Variants in GPHN observed in about 807,000 individuals in gnomAD.
GPHN encodes the protein gephyrin.
GPHN carries 17 observed loss-of-function variants against 95.5 expected under a neutral mutation model. The ratio of observed to expected loss-of-function variants is 0.18; its 90% confidence interval spans 0.12 to 0.27. The LOEUF is 0.27. GPHN is among the 10% of genes least tolerant of loss of function. The probability of loss-of-function intolerance (pLI) is 1.00; values close to 1 mark genes in which losing one functional copy is unlikely to be tolerated. For synonymous variants in GPHN, 320 were observed against 322.5 expected, an observed-to-expected ratio of 0.99 and a Z score of 0.08; for missense variants, 660 against 978.1, an observed-to-expected ratio of 0.67 and a Z score of 4.34.
chr14:67,515,621 T>A, the GPHN span: 3 of 152,192 alleles, frequency 2.0e-5, no homozygotes, highest in African/African-American at 7.3e-5. Flanking sequence ...GCACGCCCCC[T>A]GCCAGGGCCG....
At chr14:66,694,649 C>G (rs2068001217) in intron 2 of GPHN, among the ~76,000 whole-genome samples, 1 of 152,076 alleles carries the variant, frequency 6.6e-6, no homozygotes, top group South Asian at 2.1e-4. Context: ...CCTAGGTAAC[C>G]TTGGGTATGG....
At chr14:67,466,370 G>A in the GPHN span, among the ~76,000 whole-genome samples, 2 of 152,372 alleles carry the variant, frequency 1.3e-5, no homozygotes, top group Admixed American at 1.3e-4. Flanking sequence ...TTTGGCCAAG[G>A]CCGGAAGACT....
the GPHN span, chr14:67,270,328 G>T: frequency 2.0e-5 from 3 of 152,160 alleles, no homozygotes; most frequent in Non-Finnish European, 4.4e-5. Context: ...CTTGCTTTGT[G>T]GACTATGTAA....
At chr14:66,723,307 T>C (rs1315180902) in intron 2 of GPHN, among the ~76,000 whole-genome samples, 4 of 151,376 alleles carry the variant, frequency 2.6e-5, no homozygotes. Flanking sequence ...TAAACTTTTA[T>C]AAATTATATT....
chr14:67,578,682 C>A, the GPHN span: 1 of 1,163,490 alleles, frequency 8.6e-7, no homozygotes, highest in South Asian at 1.3e-5. This position sits in a 1 kb window ranked among gnomAD's most constrained non-coding sequence, Gnocchi z 5.0. Context: ...CCAACTGCCG[C>A]ATGAATAAGA....
intron 3 of GPHN, among the ~76,000 whole-genome samples, chr14:66,777,159 G>A (rs2059416139): frequency 2.7e-5 from 4 of 150,864 alleles, no homozygotes. Flanking sequence ...CGATCCCGCA[G>A]AAATACAAAC....
At chr14:67,266,860 A>G in the GPHN span, among the ~76,000 whole-genome samples, 2 of 152,080 alleles carry the variant, frequency 1.3e-5, no homozygotes, top group African/African-American at 4.8e-5. Context: ...CTGTAATCCC[A>G]GCATGTTGGG....
At chr14:67,726,573 A>G in the GPHN span, among the ~76,000 whole-genome samples, 1 of 152,290 alleles carries the variant, frequency 6.6e-6, no homozygotes, top group East Asian at 1.9e-4. Flanking sequence ...GGTGGGGTTC[A>G]GCGTTCAAGG....
chr14:67,397,784 G>A, the GPHN span: 11 of 1,613,046 alleles, frequency 6.8e-6, no homozygotes, highest in South Asian at 1.1e-5. Flanking sequence ...GTGTTCTGCC[G>A]AAGGATGAAC....
intron 5 of GPHN, among the ~76,000 whole-genome samples, chr14:66,887,150 C>A (rs1007761645): frequency 6.6e-6 from 1 of 152,124 alleles, no homozygotes; most frequent in African/African-American, 2.4e-5. Context: ...TTAACCTGAA[C>A]CTACCCTGCT....
At chr14:67,095,472 A>T (rs931808863) in intron 12 of GPHN, among the ~76,000 whole-genome samples, 4 of 152,182 alleles carry the variant, frequency 2.6e-5, no homozygotes, top group Admixed American at 2.0e-4. Flanking sequence ...ATAAAGACAC[A>T]TGCACACGTA....
the GPHN span, chr14:67,642,346 A>C: frequency 1.2e-6 from 2 of 1,613,762 alleles, no homozygotes; most frequent in Admixed American, 3.3e-5. Context: ...GCTGTGTCAC[A>C]CTGGGAGGAG....
chr14:66,705,632 C>A (rs1228206615), intron 2 of GPHN, among the ~76,000 whole-genome samples: 1 of 152,120 alleles, frequency 6.6e-6, no homozygotes, highest in Non-Finnish European at 1.5e-5. Flanking sequence ...ATATTAAAAA[C>A]TCTAAATAAA....
intron 1 of GPHN, among the ~76,000 whole-genome samples, chr14:66,596,892 G>A (rs945776175): frequency 4.6e-5 from 7 of 152,322 alleles, no homozygotes; most frequent in African/African-American, 1.4e-4. Flanking sequence ...CCCCAGCTGT[G>A]CCTCCCCCAC....
intron 9 of GPHN, among the ~76,000 whole-genome samples, chr14:67,001,358 T>C (rs2072214743): frequency 6.6e-6 from 1 of 150,744 alleles, no homozygotes; most frequent in Admixed American, 6.6e-5. Flanking sequence ...GATGGCACAT[T>C]ATAATATGAT....
Position 67,140,186 on chromosome 14 carries a change from C to G in GPHN, c.1749-3176C>G, listed in dbSNP as rs892719804. On this transcript the variant is annotated intron_variant, in intron 17 of 22. Coordinates refer to ENST00000478722, the MANE Select transcript of GPHN (RefSeq NM_020806.5). ...ATCACCTGAGGTCAGGAGTTCAAGG[C>G]CAGCCTGGCCAACATGGTGAAACCC... is the stretch of plus-strand genomic sequence containing the variant. 2.0e-5 allele frequency among the ~76,000 whole-genome samples: 3 copies of G among 152,230 alleles called. 1 individual carries two copies. Among genetic ancestry groups the G allele is most frequent in the Middle Eastern group, 6.8e-3 (2 of 294 alleles).
At chr14:66,545,874 A>T (rs2059568126) in intron 1 of GPHN, among the ~76,000 whole-genome samples, 1 of 139,390 alleles carries the variant, frequency 7.2e-6, no homozygotes, top group Non-Finnish European at 1.5e-5. Flanking sequence ...TGACCCCCCC[A>T]CCTCCCTCCT....
the GPHN span, among the ~76,000 whole-genome samples, chr14:67,209,376 G>A: frequency 1.2e-4 from 19 of 152,182 alleles, no homozygotes; most frequent in Non-Finnish European, 2.5e-4. Context: ...AGGTGGTCAA[G>A]GCCATTTGAG....
At chr14:67,326,409 T>C in the GPHN span, among the ~76,000 whole-genome samples, 1 of 151,848 alleles carries the variant, frequency 6.6e-6, no homozygotes, top group African/African-American at 2.4e-5. Context: ...AGTTGATCAG[T>C]ACCAAAATGT....
Sources: gnomAD v4.1 joint callset for allele counts (sites outside exome capture counted in the v4.1 genomes callset) on GRCh38, gnomAD v4.1.1 for gene constraint, Gnocchi (gnomAD v3.1) non-coding constraint, MANE v1.5 for transcripts, NCBI Gene and HGNC (gene_info 2026-07-23, HGNC 2026-07-21) for gene names.